NPFFR2: variants seen among roughly 807,000 people sequenced by gnomAD.
NPFFR2 encodes the protein G-protein coupled receptor 74.
A neutral mutation model predicts 13.1 loss-of-function variants in NPFFR2; 15 were observed. The observed-to-expected ratio is 1.15, with a 90% confidence interval of 0.77 to 1.76. NPFFR2 has a LOEUF of 1.76. Ranked by LOEUF, NPFFR2 falls within the 40% of genes most tolerant of loss-of-function variation. The pLI is 0.00. For synonymous variants in NPFFR2, 190 were observed against 175.7 expected, an observed-to-expected ratio of 1.08 and a Z score of -0.65; for missense variants, 572 against 503.5, an observed-to-expected ratio of 1.14 and a Z score of -1.30.
intron 1 of NPFFR2, among the ~76,000 whole-genome samples, chr4:72,114,165 C>G (rs1439723763): frequency 6.6e-6 from 1 of 151,864 alleles, no homozygotes; most frequent in Non-Finnish European, 1.5e-5. Flanking sequence ...CCTTCCTGTT[C>G]AAAAAAGTGT....
intron 1 of NPFFR2, among the ~76,000 whole-genome samples, chr4:72,044,867 T>C (rs1367177257): frequency 2.6e-5 from 4 of 152,142 alleles, no homozygotes; most frequent in Non-Finnish European, 4.4e-5. Flanking sequence ...GTGTTCATTT[T>C]TTTCCTTTGC....
chr4:72,043,921 C>A lies in NPFFR2; in HGVS notation c.-8+11721C>A, dbSNP rs187732925. Among the ~76,000 whole-genome samples, 451 of 152,156 alleles carry A rather than the reference C, an allele frequency of 3.0e-3. 2 individuals carry two copies. The highest frequency in any genetic ancestry group is 0.011 in the African/African-American group (443 of 41,514). ...CCAGAATGACATGGTTTGGCTGTGT[C>A]CCCACCCAAATCTCATCTTGAATTG... On this transcript the variant is annotated intron_variant, in intron 1 of 3. Coordinates refer to ENST00000308744, the MANE Select transcript of NPFFR2 (RefSeq NM_004885.3).
chr4:72,111,536 G>A (rs527678322), intron 1 of NPFFR2, among the ~76,000 whole-genome samples: 1 of 151,960 alleles, frequency 6.6e-6, no homozygotes, highest in Non-Finnish European at 1.5e-5. Context: ...TCTGTTAATG[G>A]GGAAGCTAAT....
intron 1 of NPFFR2, among the ~76,000 whole-genome samples, chr4:72,073,634 AT>A (rs1294490925): frequency 1.3e-5 from 2 of 151,988 alleles, no homozygotes; most frequent in Non-Finnish European, 2.9e-5. Context: ...GTAAATTAAC[AT>A]TTTTTTCTAC....
chr4:72,147,338 C>G lies in NPFFR2; in HGVS notation c.789C>G (p.His263Gln). The G allele has an allele frequency of 6.2e-7, 1 of 1,614,142 alleles. No individual in the cohort carries two copies. Among genetic ancestry groups the G allele is most frequent in the Non-Finnish European group, 8.5e-7 (1 of 1,180,030 alleles). Reference protein sequence around the residue: ...HTGRKNQEQWHVVSRKKQKII... With the variant: ...HTGRKNQEQWQVVSRKKQKII... The stretch of plus-strand genomic sequence containing the variant: ...GCAGGAAGAACCAGGAGCAGTGGCA[C>G]GTGGTGTCCAGGAAGAAGCAGAAGA... The change falls in exon 4 of 4, where the codon CAC (histidine) becomes CAG (glutamine). Residue 263 changes from histidine to glutamine, a missense_variant. Transcript: ENST00000308744.
At position 72,147,504 on chromosome 4, in the gene NPFFR2, C is replaced by T. The variant is rs774512377; in HGVS notation, c.955C>T (p.His319Tyr). The change falls in exon 4 of 4, where the codon CAC becomes TAC. Residue 319 changes from histidine to tyrosine, a missense_variant. Coordinates refer to ENST00000308744, the MANE Select transcript of NPFFR2 (RefSeq NM_004885.3). ...CAACATCTACATCTACCCTTTTGCACACTGGCTGGCATTCGGCAACAGCAG... is the reference window on the plus strand; with the variant it reads ...CAACATCTACATCTACCCTTTTGCATACTGGCTGGCATTCGGCAACAGCAG... ...IINIYIYPFA[H>Y]WLAFGNSSVN... The T allele has an allele frequency of 1.2e-6, 2 of 1,614,228 alleles. No homozygotes were observed. The highest frequency in any genetic ancestry group is 2.2e-5 in the South Asian group (2 of 91,090).
At chr4:72,099,707 A>C (rs1332285031) in intron 1 of NPFFR2, among the ~76,000 whole-genome samples, 2 of 152,132 alleles carry the variant, frequency 1.3e-5, no homozygotes, top group African/African-American at 4.8e-5. Flanking sequence ...TCCACCTCCA[A>C]CACCGGGAAT....
At chr4:72,125,150 A>G (rs1722002227) in intron 1 of NPFFR2, among the ~76,000 whole-genome samples, 2 of 152,220 alleles carry the variant, frequency 1.3e-5, no homozygotes, top group African/African-American at 4.8e-5. Flanking sequence ...GAGGACATTT[A>G]TGAGGCTAAC....
rs1446197435 is a variant in NPFFR2, at chr4:72,138,040, G to A, written c.329G>A (p.Gly110Glu). ...PITLLDNIIAGWPFGNTMCKI... is the reference protein window; with the variant it reads ...PITLLDNIIAEWPFGNTMCKI... ...AAAGACTGTTTCATTTTCCTTTCAGGATGGCCATTTGGAAACACGATGTGC... is the reference window on the plus strand; with the variant it reads ...AAAGACTGTTTCATTTTCCTTTCAGAATGGCCATTTGGAAACACGATGTGC... The change falls in exon 3 of 4, where the codon GGA (glycine) becomes GAA (glutamate). Residue 110 changes from glycine to glutamate, a missense_variant and splice_region_variant. Coordinates refer to ENST00000308744, the MANE Select transcript of NPFFR2 (RefSeq NM_004885.3). 6.2e-7 allele frequency: 1 copy of A among 1,608,136 alleles called. No homozygotes were observed. The highest frequency in any genetic ancestry group is 1.1e-5 in the South Asian group (1 of 90,280).
chr4:72,077,640 A>G (rs971949453), intron 1 of NPFFR2, among the ~76,000 whole-genome samples: 7 of 152,160 alleles, frequency 4.6e-5, no homozygotes, highest in Non-Finnish European at 1.0e-4. Context: ...ATTGCTGCAG[A>G]TCTTGACAGG....
At chr4:72,094,757 A>C (rs986629360) in intron 1 of NPFFR2, among the ~76,000 whole-genome samples, 3 of 152,186 alleles carry the variant, frequency 2.0e-5, no homozygotes, top group Admixed American at 1.3e-4. Context: ...CTGAGAAAGA[A>C]AAGGGACTCA....
intron 1 of NPFFR2, among the ~76,000 whole-genome samples, chr4:72,074,302 A>G (rs1011027403): frequency 6.6e-6 from 1 of 152,052 alleles, no homozygotes; most frequent in Non-Finnish European, 1.5e-5. Context: ...TGCCTACATA[A>G]TTCACCTCAT....
intron 1 of NPFFR2, among the ~76,000 whole-genome samples, chr4:72,038,905 CTTTTTTT>C (rs1158358179): frequency 1.1e-4 from 9 of 84,754 alleles, no homozygotes; most frequent in Middle Eastern, 0.014. Context: ...AATTTCCTTT[CTTTTTTT>C]TTTTTTTTTT....
chr4:72,134,631 T>C (rs1394876462), intron 2 of NPFFR2, among the ~76,000 whole-genome samples: 1 of 152,190 alleles, frequency 6.6e-6, no homozygotes, highest in East Asian at 1.9e-4. Flanking sequence ...TTTTCCTAGA[T>C]TTATTAAGGG....
intron 1 of NPFFR2, among the ~76,000 whole-genome samples, chr4:72,059,067 A>G (rs994994603): frequency 3.9e-5 from 6 of 152,110 alleles, no homozygotes; most frequent in African/African-American, 1.4e-4. Context: ...TTGTTCTCCT[A>G]GAAACTTTAT....
At chr4:72,116,074 C>T (rs768014825) in intron 1 of NPFFR2, among the ~76,000 whole-genome samples, 4 of 151,908 alleles carry the variant, frequency 2.6e-5, no homozygotes, top group African/African-American at 4.8e-5. Context: ...GTAGGATATC[C>T]CTAGCAATAT....
At chr4:72,048,603 A>G (rs1319692495) in intron 1 of NPFFR2, among the ~76,000 whole-genome samples, 1 of 152,140 alleles carries the variant, frequency 6.6e-6, no homozygotes, top group Non-Finnish European at 1.5e-5. Context: ...TATATTAACT[A>G]TTCACAATTA....
chr4:72,145,642 A>G (rs1373653916), intron 3 of NPFFR2, among the ~76,000 whole-genome samples: 1 of 152,148 alleles, frequency 6.6e-6, no homozygotes. Context: ...GATCTTACAC[A>G]TGAAGGAGTT....
intron 1 of NPFFR2, among the ~76,000 whole-genome samples, chr4:72,052,628 AT>A (rs1299481352): frequency 6.6e-6 from 1 of 151,980 alleles, no homozygotes; most frequent in African/African-American, 2.4e-5. Context: ...TCTTTGAGAT[AT>A]TTTGAAAAGG....
Sources: allele counts gnomAD v4.1 joint callset (sites outside exome capture counted in the v4.1 genomes callset), GRCh38; gene constraint gnomAD v4.1.1; transcripts MANE v1.5; gene names NCBI Gene and HGNC (gene_info 2026-07-23, HGNC 2026-07-21).